MAP3K7CL: variants seen among roughly 807,000 people sequenced by gnomAD.
MAP3K7CL encodes MAP3K7 C-terminal-like protein.
MAP3K7CL carries 16 observed loss-of-function variants against 18.6 expected under a neutral mutation model. The ratio of observed to expected loss-of-function variants is 0.86; its 90% CI spans 0.58 to 1.31. The LOEUF (loss-of-function observed/expected upper bound fraction) is 1.31, where lower values mean the gene tolerates loss of function less well. Ranked by LOEUF, MAP3K7CL falls within the 50% of genes most tolerant of loss-of-function variation. The pLI, the probability that MAP3K7CL is intolerant of heterozygous loss-of-function variation, is 0.00. For synonymous variants in MAP3K7CL, 65 were observed against 66.8 expected (o/e 0.97, Z 0.13); for missense variants, 163 against 174.4 (o/e 0.93, Z 0.37).
upstream of MAP3K7CL, among the ~76,000 whole-genome samples, chr21:29,126,801 T>C (rs80018355): frequency 0.013 from 2,012 of 152,136 alleles, 37 homozygotes; most frequent in African/African-American, 0.046. Flanking sequence ...TAGAGAAAAA[T>C]TGTGCTGACC....
intron 3 of MAP3K7CL, among the ~76,000 whole-genome samples, chr21:29,157,242 A>C (rs1444345900): frequency 6.6e-6 from 1 of 152,194 alleles, no homozygotes; most frequent in African/African-American, 2.4e-5. Flanking sequence ...TTCATCTTGC[A>C]AAATAGAAAG....
intron 4 of MAP3K7CL, among the ~76,000 whole-genome samples, chr21:29,170,106 A>G (rs2087788239): frequency 6.6e-6 from 1 of 152,202 alleles, no homozygotes. Flanking sequence ...TATTTATAAG[A>G]TTGTTTTTGT....
intron 4 of MAP3K7CL, among the ~76,000 whole-genome samples, chr21:29,110,657 C>T (rs1426128084): frequency 6.6e-6 from 1 of 152,156 alleles, no homozygotes; most frequent in Non-Finnish European, 1.5e-5. Context: ...CTCAGTCTCC[C>T]AAAGTGTTGG....
intron 2 of MAP3K7CL, among the ~76,000 whole-genome samples, chr21:29,141,349 T>TA (rs112432584): frequency 0.12 from 17,516 of 151,708 alleles, 2,197 homozygotes; most frequent in African/African-American, 0.31. Context: ...CTGTCTCTAC[T>TA]AAAAATACAA....
At chr21:29,172,841 C>A (rs1330132482) in intron 4 of MAP3K7CL, among the ~76,000 whole-genome samples, 1 of 125,094 alleles carries the variant, frequency 8.0e-6, no homozygotes, top group Admixed American at 8.8e-5. Flanking sequence ...GCAACCCCCC[C>A]CTCCCCCCGC....
chr21:29,168,536 A>G (rs2087747663), intron 4 of MAP3K7CL, among the ~76,000 whole-genome samples: 1 of 152,188 alleles, frequency 6.6e-6, no homozygotes, highest in African/African-American at 2.4e-5. Context: ...AGATGCCATC[A>G]GGCTGTGAGT....
intron 4 of MAP3K7CL, among the ~76,000 whole-genome samples, chr21:29,119,947 G>A (rs556229807): frequency 7.2e-5 from 11 of 152,328 alleles, no homozygotes; most frequent in African/African-American, 2.4e-4. Flanking sequence ...TTACAGGCAT[G>A]AGCCACCATG....
chr21:29,093,583 G>A (rs889440067), intron 4 of MAP3K7CL, among the ~76,000 whole-genome samples: 2 of 151,998 alleles, frequency 1.3e-5, no homozygotes, highest in African/African-American at 4.8e-5. Context: ...CTGGGTTCAC[G>A]CCATTCCCCT....
chr21:29,100,965 G>A (rs1401163964), intron 4 of MAP3K7CL, among the ~76,000 whole-genome samples: 3 of 151,220 alleles, frequency 2.0e-5, no homozygotes, highest in Admixed American at 6.6e-5. Context: ...GCCCGCCTCG[G>A]CCTCCCAAAG....
chr21:29,114,104 T>G (rs1326034219), intron 4 of MAP3K7CL, among the ~76,000 whole-genome samples: 3 of 151,996 alleles, frequency 2.0e-5, no homozygotes, highest in Non-Finnish European at 4.4e-5. Context: ...AGTCTTGCTC[T>G]GTCACCCAGG....
At chr21:29,109,825 C>G in intron 4 of MAP3K7CL, 1 of 977,988 alleles carries the variant, frequency 1.0e-6, no homozygotes, top group Non-Finnish European at 1.2e-6. Context: ...TATATATATA[C>G]ATAGTGTAGA....
At chr21:29,171,458 T>C (rs2087824535) in intron 4 of MAP3K7CL, among the ~76,000 whole-genome samples, 1 of 152,224 alleles carries the variant, frequency 6.6e-6, no homozygotes, top group African/African-American at 2.4e-5. Context: ...TTACTCCTTG[T>C]CTTTTTTTCA....
At chr21:29,081,919 A>G (rs2085842472), upstream of MAP3K7CL, among the ~76,000 whole-genome samples, 1 of 152,190 alleles carries the variant, frequency 6.6e-6, no homozygotes, top group Admixed American at 6.5e-5. Context: ...GTGCATAGGA[A>G]CCAGTTGTAG....
At chr21:29,166,912 G>A (rs2087703007) in intron 4 of MAP3K7CL, among the ~76,000 whole-genome samples, 1 of 152,206 alleles carries the variant, frequency 6.6e-6, no homozygotes, top group South Asian at 2.1e-4. Context: ...ATTCTCTTGA[G>A]TAGGTTCCTA....
intron 2 of MAP3K7CL, among the ~76,000 whole-genome samples, chr21:29,137,482 G>A (rs1437843064): frequency 1.3e-5 from 2 of 152,124 alleles, no homozygotes; most frequent in Non-Finnish European, 2.9e-5. Context: ...GGGCTTGAGG[G>A]CAGGTAGAGT....
At position 29,159,974 on chromosome 21, in the gene MAP3K7CL, A is replaced by C. The variant is rs748906010; in HGVS notation, c.166A>C (p.Met56Leu). The C allele has an allele frequency of 6.2e-7, 1 of 1,613,996 alleles. No individual in the cohort carries two copies. The highest frequency in any genetic ancestry group is 2.2e-5 in the East Asian group (1 of 44,888). The change falls in exon 4 of 5, where the codon ATG becomes CTG. Residue 56 changes from methionine to leucine, a missense_variant. Coordinates refer to ENST00000399928, the MANE Select transcript of MAP3K7CL (RefSeq NM_001286620.2). ...LPPCHDSEES[M>L]EVFKQHCQIA... ...GCCTTGTCATGACTCCGAGGAATCC[A>C]TGGAGGTGTTCAAACAGCACTGCCA...
intron 2 of MAP3K7CL, among the ~76,000 whole-genome samples, chr21:29,135,137 A>AG (rs1164598182): frequency 6.6e-6 from 1 of 152,192 alleles, no homozygotes; most frequent in Non-Finnish European, 1.5e-5. Flanking sequence ...TGCCACCCAG[A>AG]GACCACACTG....
intron 2 of MAP3K7CL, among the ~76,000 whole-genome samples, chr21:29,147,320 A>C (rs1342394862): frequency 6.6e-6 from 1 of 152,088 alleles, no homozygotes; most frequent in East Asian, 1.9e-4. Flanking sequence ...TACTGTATAC[A>C]TATATGCACT....
chr21:29,081,698 C>A (rs1000004672), upstream of MAP3K7CL, among the ~76,000 whole-genome samples: 2 of 152,208 alleles, frequency 1.3e-5, no homozygotes, highest in African/African-American at 4.8e-5. Flanking sequence ...CATCAGTTTA[C>A]TGGTTATTCT....
Sources: gnomAD v4.1 joint callset for allele counts (sites outside exome capture counted in the v4.1 genomes callset) on GRCh38, gnomAD v4.1.1 for gene constraint, MANE v1.5 for transcripts, NCBI Gene and HGNC (gene_info 2026-07-23, HGNC 2026-07-21) for gene names.